SNX25: variants seen among roughly 807,000 people sequenced by gnomAD.
SNX25 encodes the protein sorting nexin 25.
A neutral mutation model predicts 113.7 loss-of-function variants in SNX25; 62 were observed. The ratio of observed to expected loss-of-function variants is 0.55; its 90% confidence interval spans 0.44 to 0.67. The LOEUF (loss-of-function observed/expected upper bound fraction) is 0.67. Among genes scored for constraint, SNX25 ranks in the 30% least tolerant of loss-of-function variants. The pLI is 0.00. For synonymous variants in SNX25, 421 were observed against 436.2 expected (o/e 0.97, Z 0.43); for missense variants, 1,014 against 1,161.0 (o/e 0.87, Z 1.84).
chr4:185,268,566 C>G (rs542037318), intron 5 of SNX25, among the ~76,000 whole-genome samples: 47 of 152,116 alleles, frequency 3.1e-4, no homozygotes, highest in African/African-American at 1.1e-3. Flanking sequence ...GTTCATTTTG[C>G]TTTTCATTAA....
At chr4:185,236,466 C>T (rs1045309256) in intron 1 of SNX25, among the ~76,000 whole-genome samples, 5 of 151,996 alleles carry the variant, frequency 3.3e-5, no homozygotes, top group Non-Finnish European at 5.9e-5. Context: ...ATTTTATAGA[C>T]GCTTTTAGTA....
chr4:185,323,862 G>C (rs2095137620), intron 9 of SNX25, 62 bp downstream of exon 9: 1 of 1,570,460 alleles, frequency 6.4e-7, no homozygotes, highest in South Asian at 1.2e-5. Flanking sequence ...TGTTTAAGTG[G>C]GTGCATATTG....
intron 5 of SNX25, among the ~76,000 whole-genome samples, chr4:185,279,563 C>T (rs1750260506): frequency 6.6e-6 from 1 of 152,126 alleles, no homozygotes; most frequent in South Asian, 2.1e-4. Context: ...TTGGACATAC[C>T]TCATGAAAAT....
the SNX25 span, chr4:185,378,482 A>C: frequency 8.7e-7 from 1 of 1,149,114 alleles, no homozygotes; most frequent in Non-Finnish European, 1.1e-6. Context: ...ATGGGTTTAT[A>C]CATCAAGATG....
intron 13 of SNX25, 83 bp downstream of exon 13, chr4:185,346,733 T>A (rs969643695): frequency 1.1e-6 from 1 of 907,848 alleles, no homozygotes; most frequent in Non-Finnish European, 1.6e-6. Flanking sequence ...AGCTTGGTAG[T>A]TTGCTTTTTG....
chr4:185,332,492 T>C (rs2095202218), intron 9 of SNX25, 103 bp from the exon 10 acceptor site: 9 of 1,122,856 alleles, frequency 8.0e-6, no homozygotes, highest in Non-Finnish European at 1.1e-5. Flanking sequence ...TAGTATTCTT[T>C]CCTTACTGGA....
chr4:185,348,886 G>C (rs1386591919), intron 13 of SNX25, among the ~76,000 whole-genome samples: 1 of 151,968 alleles, frequency 6.6e-6, no homozygotes, highest in African/African-American at 2.4e-5. Context: ...CCAGTCTCTG[G>C]TAACCACCTC....
intron 11 of SNX25, among the ~76,000 whole-genome samples, chr4:185,369,227 C>CTT (rs35543353): frequency 2.0e-3 from 197 of 100,894 alleles, no homozygotes; most frequent in African/African-American, 2.3e-3. Flanking sequence ...ATACAGAGAG[C>CTT]TTTTTTTTTT....
At chr4:185,212,481 GTGTGTGTGTGTT>G (rs1399866088) in intron 1 of SNX25, among the ~76,000 whole-genome samples, 2 of 69,522 alleles carry the variant, frequency 2.9e-5, no homozygotes, top group African/African-American at 1.0e-4. Flanking sequence ...GTGTGTGTGT[GTGTGTGTGTGTT>G]TTTTTTTTTT....
At chr4:185,240,883 C>A (rs548642610) in intron 1 of SNX25, among the ~76,000 whole-genome samples, 4 of 148,728 alleles carry the variant, frequency 2.7e-5, no homozygotes, top group Admixed American at 1.3e-4. Flanking sequence ...CCAGACGGGG[C>A]GGCAGGGCAG....
chr4:185,373,218 G>A (rs1201972471), downstream of SNX25: 7 of 757,468 alleles, frequency 9.2e-6, no homozygotes, highest in South Asian at 1.1e-4. Flanking sequence ...GCCTTTGGAC[G>A]CATTTCACAC....
chr4:185,251,380 C>A (rs925068676), intron 2 of SNX25, among the ~76,000 whole-genome samples: 1 of 152,170 alleles, frequency 6.6e-6, no homozygotes, highest in Non-Finnish European at 1.5e-5. Flanking sequence ...AAACTCTTTA[C>A]TTATTAAGTG....
intron 12 of SNX25, among the ~76,000 whole-genome samples, chr4:185,345,730 G>A (rs1403501080): frequency 6.6e-6 from 1 of 151,912 alleles, no homozygotes; most frequent in Non-Finnish European, 1.5e-5. Flanking sequence ...GATCAAGGCT[G>A]CCATGAGCCA....
chr4:185,277,269 C>T (rs1560960612), intron 5 of SNX25, among the ~76,000 whole-genome samples: 1 of 152,200 alleles, frequency 6.6e-6, no homozygotes, highest in East Asian at 1.9e-4. Context: ...GTAACCCACC[C>T]ACCTTGGTCT....
the SNX25 span, chr4:185,377,110 T>C: frequency 2.2e-6 from 2 of 899,680 alleles, no homozygotes; most frequent in African/African-American, 1.7e-5. Flanking sequence ...TCTAACACTG[T>C]TGACATTCTT....
chr4:185,295,334 T>C (rs1752692664), intron 6 of SNX25, among the ~76,000 whole-genome samples: 1 of 152,156 alleles, frequency 6.6e-6, no homozygotes, highest in East Asian at 1.9e-4. Context: ...AGATGGACGA[T>C]CCTAGGAACG....
the SNX25 span, chr4:185,377,256 G>A: frequency 3.4e-5 from 15 of 437,256 alleles, no homozygotes; most frequent in East Asian, 2.0e-4. Context: ...GGTGGCTCAC[G>A]CCTGTAAATC....
chr4:185,325,209 C>G (rs897240107), intron 9 of SNX25, among the ~76,000 whole-genome samples: 14 of 152,118 alleles, frequency 9.2e-5, no homozygotes, highest in African/African-American at 3.1e-4. Context: ...TTGGAAAGGT[C>G]CATGTGTAAT....
the SNX25 span, chr4:185,377,879 C>G: frequency 1.4e-5 from 7 of 509,986 alleles, no homozygotes; most frequent in African/African-American, 5.9e-5. Flanking sequence ...CAAGACCTAA[C>G]TATCTGTGAG....
Sources: gnomAD v4.1 joint callset for allele counts (sites outside exome capture counted in the v4.1 genomes callset) on GRCh38, gnomAD v4.1.1 for gene constraint, MANE v1.5 for transcripts, NCBI Gene and HGNC (gene_info 2026-07-23, HGNC 2026-07-21) for gene names.